SKAP1: variants seen among roughly 807,000 people sequenced by gnomAD.
The protein encoded by SKAP1 is src kinase associated phosphoprotein 1, also known as src kinase-associated phosphoprotein 1.
SKAP1 carries 44 observed loss-of-function variants against 58.5 expected under a neutral mutation model. That is an observed-to-expected ratio of 0.75 (90% CI 0.59 to 0.97). The LOEUF is 0.97. SKAP1 is among the 50% of genes least tolerant of loss of function. SKAP1 has a pLI of 0.00. For missense variants in SKAP1, 390 were observed against 435.2 expected, an observed-to-expected ratio of 0.90 and a Z score of 0.92; for synonymous variants, 127 against 149.7, an observed-to-expected ratio of 0.85 and a Z score of 1.11.
At chr17:48,175,276 G>A (rs1005429568) in intron 9 of SKAP1, among the ~76,000 whole-genome samples, 1 of 152,166 alleles carries the variant, frequency 6.6e-6, no homozygotes, top group African/African-American at 2.4e-5. Context: ...AGTGATAAAA[G>A]CTTCAAAAAA....
At chr17:48,436,784 C>T in the SKAP1 span, among the ~76,000 whole-genome samples, 5 of 152,232 alleles carry the variant, frequency 3.3e-5, no homozygotes, top group South Asian at 1.0e-3. Flanking sequence ...GCCTGCCTGT[C>T]TTCACACCAC....
chr17:48,413,839 T>C (rs1320927817), intron 1 of SKAP1, among the ~76,000 whole-genome samples: 1 of 152,074 alleles, frequency 6.6e-6, no homozygotes, highest in Non-Finnish European at 1.5e-5. Context: ...ACTAACTGCA[T>C]AAGAACATCC....
chr17:48,199,493 A>G (rs2064696840), intron 4 of SKAP1, among the ~76,000 whole-genome samples: 1 of 152,174 alleles, frequency 6.6e-6, no homozygotes, highest in South Asian at 2.1e-4. Flanking sequence ...CCGAGTTGGG[A>G]GTACTCCTTC....
At chr17:48,340,423 C>T (rs574693001) in intron 4 of SKAP1, among the ~76,000 whole-genome samples, 1 of 152,044 alleles carries the variant, frequency 6.6e-6, no homozygotes, top group Non-Finnish European at 1.5e-5. Context: ...ACAGTCCTCT[C>T]AGGAGAGAAA....
intron 4 of SKAP1, among the ~76,000 whole-genome samples, chr17:48,235,912 G>C (rs969937939): frequency 6.6e-6 from 1 of 152,138 alleles, no homozygotes. Context: ...TGTAGCTCAA[G>C]GGACCACACT....
Position 48,162,561 on chromosome 17 carries a change from C to T in SKAP1, c.886G>A (p.Ala296Thr). 1.9e-6 allele frequency: 3 copies of T among 1,611,840 alleles called. No individual in the cohort carries two copies. The highest frequency in any genetic ancestry group is 1.1e-5 in the South Asian group (1 of 90,860). ...TCCCATAGGCCCTGGTAGTAACTGGCATAGTCTACTGATCAAAGAGAGGAG... is the reference window on the plus strand; with the variant it reads ...TCCCATAGGCCCTGGTAGTAACTGGTATAGTCTACTGATCAAAGAGAGGAG... ...SGTRRKGVDY[A>T]SYYQGLWDCH... Residue 296 changes from alanine (A) to threonine (T), a missense_variant, in exon 11 of 13, where the codon GCC becomes ACC. Transcript: ENST00000336915.
chr17:48,320,399 T>TAA (rs1268366956), intron 4 of SKAP1, among the ~76,000 whole-genome samples: 1 of 152,184 alleles, frequency 6.6e-6, no homozygotes, highest in African/African-American at 2.4e-5. Flanking sequence ...CTCCTGGAAA[T>TAA]AAGTTGCTAT....
chr17:48,421,448 C>T lies in SKAP1; in HGVS notation c.46+8627G>A, dbSNP rs546367829. 4.6e-5 allele frequency among the ~76,000 whole-genome samples: 7 copies of T among 151,982 alleles called. 1 individual carries two copies. The highest frequency in any genetic ancestry group is 9.6e-5 in the African/African-American group (4 of 41,482). On this transcript the variant is annotated intron_variant, in intron 1 of 12. Transcript: ENST00000336915. ...CCTCCTGAGTAGCTGGGATTACAGG[C>T]GCCTGCCACCATACCTGGATAATTT... is the stretch of plus-strand genomic sequence containing the variant.
chr17:48,411,879 G>A (rs2067670167), intron 1 of SKAP1, among the ~76,000 whole-genome samples: 1 of 152,176 alleles, frequency 6.6e-6, no homozygotes, highest in Admixed American at 6.5e-5. Context: ...TACAGCAAGA[G>A]GCGCCCAAGG....
At chr17:48,214,576 T>C (rs755680013) in intron 4 of SKAP1, among the ~76,000 whole-genome samples, 4 of 152,042 alleles carry the variant, frequency 2.6e-5, no homozygotes, top group Non-Finnish European at 4.4e-5. Flanking sequence ...CTGGGCCTGA[T>C]TGTTTCTTAA....
intron 2 of SKAP1, among the ~76,000 whole-genome samples, chr17:48,372,490 GAC>G (rs2067100015): frequency 1.3e-5 from 2 of 150,478 alleles, no homozygotes; most frequent in East Asian, 3.9e-4. Context: ...ATTTTTAGTA[GAC>G]AGGGGTTTCT....
intron 4 of SKAP1, among the ~76,000 whole-genome samples, chr17:48,274,568 C>T (rs1038548012): frequency 9.9e-5 from 15 of 151,926 alleles, no homozygotes; most frequent in Non-Finnish European, 1.5e-4. Context: ...TGGTGGCAGG[C>T]GCCTGTAATC....
chr17:48,444,548 CCTCT>C, the SKAP1 span, among the ~76,000 whole-genome samples: 1 of 151,998 alleles, frequency 6.6e-6, no homozygotes, highest in South Asian at 2.1e-4. Context: ...CATAAGGTAA[CCTCT>C]CTCTCTCTCC....
chr17:48,270,696 A>C (rs8076309), intron 4 of SKAP1, among the ~76,000 whole-genome samples: 3,711 of 152,080 alleles, frequency 0.024, 144 homozygotes, highest in African/African-American at 0.083. Flanking sequence ...TAAGTCTTTA[A>C]TGCTGTTTTG....
chr17:48,258,065 GCTTTATCATCCTACAA>G (rs1424203204), intron 4 of SKAP1, among the ~76,000 whole-genome samples: 3 of 151,974 alleles, frequency 2.0e-5, no homozygotes, highest in Non-Finnish European at 4.4e-5. Context: ...ACACACTAGT[GCTTTATCATCCTACAA>G]CAAAAAAAAG....
intron 4 of SKAP1, among the ~76,000 whole-genome samples, chr17:48,192,069 T>C (rs532959059): frequency 6.6e-6 from 1 of 152,130 alleles, no homozygotes; most frequent in Admixed American, 6.5e-5. Context: ...TAGTCCCAGC[T>C]ACTTGGAGGC....
intron 11 of SKAP1, 130 bp downstream of exon 11, chr17:48,162,339 G>A: frequency 1.8e-6 from 1 of 545,730 alleles, no homozygotes; most frequent in East Asian, 3.2e-5. Flanking sequence ...TAACAATTAT[G>A]AATAAATGGG....
intron 1 of SKAP1, among the ~76,000 whole-genome samples, chr17:48,415,353 TA>T (rs1380301960): frequency 6.6e-6 from 1 of 150,762 alleles, no homozygotes; most frequent in Non-Finnish European, 1.5e-5. Context: ...AATTAAAAAA[TA>T]AAAAAAAGTC....
chr17:48,294,989 A>G (rs1487518513), intron 4 of SKAP1, among the ~76,000 whole-genome samples: 2 of 152,338 alleles, frequency 1.3e-5, no homozygotes, highest in Middle Eastern at 3.4e-3. Flanking sequence ...GGCTGCATCT[A>G]TGCCAAAGTA....
Sources: gnomAD v4.1 joint callset for allele counts (sites outside exome capture counted in the v4.1 genomes callset) on GRCh38, gnomAD v4.1.1 for gene constraint, MANE v1.5 for transcripts, NCBI Gene and HGNC (gene_info 2026-07-23, HGNC 2026-07-21) for gene names.